The following POLI variants were observed in gnomAD, a reference collection of about 807,000 sequenced individuals.
POLI encodes the protein RAD30 homolog B.
A neutral mutation model predicts 51.6 loss-of-function variants in POLI; 58 were observed. The observed-to-expected ratio is 1.12, with a 90% CI of 0.91 to 1.40. The LOEUF is 1.40. Ranked by LOEUF, POLI falls within the 40% of genes most tolerant of loss-of-function variation. The pLI, the probability that POLI is intolerant of heterozygous loss-of-function variation, is 0.00. For missense variants in POLI, 921 were observed against 871.3 expected, an observed-to-expected ratio of 1.06 and a Z score of -0.72; for synonymous variants, 322 against 299.7, an observed-to-expected ratio of 1.07 and a Z score of -0.77.
chr18:54,295,242 T>A lies in POLI; in HGVS notation c.*775T>A, dbSNP rs939585165. 3.0e-6 allele frequency: 3 copies of A among 985,370 alleles called. No individual in the cohort carries two copies. The highest frequency in any genetic ancestry group is 4.7e-5 in the South Asian group (1 of 21,288). The allele number at this position is 985,370 out of a possible 1,614,324, so 61.0% of individuals were successfully genotyped here. On this transcript the variant is annotated 3_prime_UTR_variant, in exon 10 of 10. Coordinates refer to ENST00000579534, the MANE Select transcript of POLI (RefSeq NM_007195.3). ...TGGAAGAAGTCCATTTCTTTCTAGC[T>A]AGTTTGAAGGGCCTAAAAGCACTGA... is the stretch of plus-strand genomic sequence containing the variant.
intron 3 of POLI, among the ~76,000 whole-genome samples, chr18:54,311,300 A>G (rs2088665371): frequency 6.6e-6 from 1 of 152,170 alleles, no homozygotes; most frequent in Non-Finnish European, 1.5e-5. Flanking sequence ...GAAGACTCAC[A>G]TATCCTTGTT....
Position 54,294,673 on chromosome 18 carries a change from A to G in POLI, c.*206A>G, listed in dbSNP as rs369056153. The G allele has an allele frequency of 8.3e-7, 1 of 1,210,496 alleles. No homozygotes were observed. Among genetic ancestry groups the G allele is most frequent in the Non-Finnish European group, 1.0e-6 (1 of 968,756 alleles). The allele number at this position is 1,210,496 out of a possible 1,614,324, so 75.0% of individuals were successfully genotyped here. A position where few individuals can be genotyped will look rare whatever the true frequency, so the allele number is the denominator to read the frequency against. ...GAAATAATGTAAAATACTATCTTTT[A>G]TGTCTAAAGCCATTTTATATTACTT... On this transcript the variant is annotated 3_prime_UTR_variant, in exon 10 of 10. Coordinates refer to ENST00000579534, the MANE Select transcript of POLI (RefSeq NM_007195.3).
intron 5 of POLI, among the ~76,000 whole-genome samples, chr18:54,281,450 A>G (rs2144514980): frequency 6.6e-6 from 1 of 152,264 alleles, no homozygotes; most frequent in Middle Eastern, 3.4e-3. Flanking sequence ...AATATGTTGA[A>G]CTACATTTCT....
At chr18:54,304,777 T>G (rs556534533) in intron 3 of POLI, among the ~76,000 whole-genome samples, 2 of 152,198 alleles carry the variant, frequency 1.3e-5, no homozygotes, top group Non-Finnish European at 2.9e-5. Flanking sequence ...TAGATCCCAT[T>G]TGTCAATTTT....
chr18:54,294,794 C>T lies in POLI; in HGVS notation c.*327C>T, dbSNP rs193131625. 2 of 978,576 alleles carry T rather than the reference C, an allele frequency of 2.0e-6. No homozygotes were observed. The highest frequency in any genetic ancestry group is 1.8e-5 in the African/African-American group (1 of 55,668). 60.6% of individuals were successfully genotyped at this position (978,576 alleles called of 1,614,324 possible). The stretch of plus-strand genomic sequence containing the variant: ...TATATAAAAAATAGCCAAATCGTTG[C>T]AATGATATGGTAAAGGACACATTTT... On this transcript the variant is annotated 3_prime_UTR_variant, in exon 10 of 10. Transcript: ENST00000579534.
intron 8 of POLI, among the ~76,000 whole-genome samples, chr18:54,288,922 A>G (rs491703): frequency 0.066 from 10,028 of 152,174 alleles, 379 homozygotes; most frequent in African/African-American, 0.077. Flanking sequence ...AATGAATTTG[A>G]AGTCTTTGCT....
In POLI at chr18:54,294,631, G is replaced by A. The variant is rs1049595085; in HGVS notation, c.*164G>A. The A allele has an allele frequency of 1.2e-5, 15 of 1,285,860 alleles. No individual in the cohort carries two copies. The highest frequency in any genetic ancestry group is 3.0e-5 in the African/African-American group (2 of 65,756). 79.7% of individuals were successfully genotyped at this position (1,285,860 alleles called of 1,614,324 possible). On this transcript the variant is annotated 3_prime_UTR_variant, in exon 10 of 10. Coordinates refer to ENST00000579534, the MANE Select transcript of POLI (RefSeq NM_007195.3). ...CAAGAAGTAAATTCTGGCACAAAGC[G>A]TAAAAATATAACAGAAGAAATAATG...
upstream of POLI, chr18:54,269,491 T>C: frequency 2.0e-6 from 3 of 1,489,332 alleles, no homozygotes; most frequent in Non-Finnish European, 2.7e-6. Context: ...TCCCCCGGTT[T>C]CCCTGGAGAC....
At position 54,287,328 on chromosome 18, in the gene POLI, G is replaced by GA; in HGVS notation, c.1115_1116insA (p.Arg373SerfsTer5). 1 of 1,589,624 alleles carries GA rather than the reference G, an allele frequency of 6.3e-7. No homozygotes were observed. Among genetic ancestry groups the GA allele is most frequent in the Non-Finnish European group, 8.6e-7 (1 of 1,163,400 alleles). On this transcript the variant is annotated frameshift_variant, in exon 8 of 10. Coordinates refer to ENST00000579534, the MANE Select transcript of POLI (RefSeq NM_007195.3). LOFTEE classifies it high-confidence loss of function. Reference sequence around the variant, plus strand: ...CCTCATACAGTGAGATTAATAATCCGTCGGTATTCCTCTGAGAAGCACTAT... The same window carrying GA: ...CCTCATACAGTGAGATTAATAATCCGATCGGTATTCCTCTGAGAAGCACTAT...
In POLI at chr18:54,271,445, A is replaced by G. The variant is rs751622972; in HGVS notation, c.201A>G (p.Val67=). 6.2e-7 allele frequency: 1 copy of G among 1,610,074 alleles called. No homozygotes were observed. The stretch of plus-strand genomic sequence containing the variant: ...ATCTGGATTGCTTTTATGCACAAGT[A>G]GAAATGATCTCAAATCCAGAGCTAA... ...HVDLDCFYAQ[V]EMISNPELKD... is the part of the protein sequence containing the mutation. The change falls in exon 2 of 10, where the codon GTA becomes GTG. Residue 67 remains valine (V), a synonymous_variant. Transcript: ENST00000579534.
intron 3 of POLI, among the ~76,000 whole-genome samples, chr18:54,305,233 T>G (rs1216717748): frequency 6.6e-6 from 1 of 152,226 alleles, no homozygotes; most frequent in African/African-American, 2.4e-5. Flanking sequence ...TAGGATTGTC[T>G]TGGCTGTGTG....
chr18:54,277,998 A>G (rs527239256), intron 4 of POLI, 143 bp downstream of exon 4: 2 of 587,980 alleles, frequency 3.4e-6, no homozygotes, highest in African/African-American at 1.9e-5. Flanking sequence ...TGTCTAGGAC[A>G]GCTAAAATTA....
At chr18:54,271,276 A>C in intron 1 of POLI, 84 bp from the exon 2 acceptor site, 14 of 1,127,026 alleles carry the variant, frequency 1.2e-5, no homozygotes, top group Non-Finnish European at 1.5e-5. Flanking sequence ...CTTCCTTCAC[A>C]GGTACCATGT....
intron 3 of POLI, among the ~76,000 whole-genome samples, chr18:54,310,718 TA>T (rs1376473442): frequency 1.3e-5 from 2 of 152,278 alleles, no homozygotes; most frequent in East Asian, 3.9e-4. Context: ...AAAAATATGT[TA>T]AAAGCTTTTG....
intron 9 of POLI, among the ~76,000 whole-genome samples, chr18:54,293,271 T>A (rs2088114111): frequency 6.6e-6 from 1 of 152,044 alleles, no homozygotes; most frequent in East Asian, 1.9e-4. Context: ...AAACTAGCCC[T>A]TGATGCTATA....
intron 3 of POLI, among the ~76,000 whole-genome samples, chr18:54,303,263 C>T (rs944141446): frequency 1.3e-5 from 2 of 152,104 alleles, no homozygotes; most frequent in Non-Finnish European, 2.9e-5. Context: ...TAAATTCACC[C>T]CTTTCTGCCT....
intron 3 of POLI, among the ~76,000 whole-genome samples, chr18:54,307,594 T>C (rs2088608794): frequency 6.6e-6 from 1 of 152,202 alleles, no homozygotes; most frequent in Non-Finnish European, 1.5e-5. Flanking sequence ...TAGATGTTTA[T>C]TAGGTCTGCT....
In POLI at chr18:54,294,524, G is replaced by A. The variant is rs1000077967; in HGVS notation, c.*57G>A. 1.7e-5 allele frequency: 25 copies of A among 1,500,738 alleles called. No homozygotes were observed. The highest frequency in any genetic ancestry group is 1.9e-4 in the Middle Eastern group (1 of 5,320). 93.0% of individuals were successfully genotyped at this position (1,500,738 alleles called of 1,614,324 possible). ...GGAATACCATTATTTTCGGATTAGC[G>A]GTTTATTAAGCTCTTCTATATTAAA... is the stretch of plus-strand genomic sequence containing the variant. On this transcript the variant is annotated 3_prime_UTR_variant, in exon 10 of 10. Coordinates refer to ENST00000579534, the MANE Select transcript of POLI (RefSeq NM_007195.3).
chr18:54,273,460 A>G (rs2087099028), intron 2 of POLI, among the ~76,000 whole-genome samples: 1 of 151,802 alleles, frequency 6.6e-6, no homozygotes, highest in Non-Finnish European at 1.5e-5. Flanking sequence ...TTGTCTGGAA[A>G]AAAATCCTAG....
Sources: gnomAD v4.1 joint callset for allele counts (sites outside exome capture counted in the v4.1 genomes callset) on GRCh38, gnomAD v4.1.1 for gene constraint, MANE v1.5 for transcripts, NCBI Gene and HGNC (gene_info 2026-07-23, HGNC 2026-07-21) for gene names.